The following LDLRAD4 variants were observed in gnomAD, a reference collection of about 807,000 sequenced individuals.
LDLRAD4 encodes the protein low density lipoprotein receptor class A domain containing 4, also known as low-density lipoprotein receptor class A domain-containing protein 4.
LDLRAD4 carries 5 observed loss-of-function variants against 17.0 expected under a neutral mutation model. The observed-to-expected ratio is 0.29, with a 90% CI of 0.15 to 0.62. The LOEUF (loss-of-function observed/expected upper bound fraction) is 0.62. LDLRAD4 is among the 20% of genes least tolerant of loss of function. LDLRAD4 has a pLI of 0.84. For synonymous variants in LDLRAD4, 168 were observed against 171.8 expected (o/e 0.98, Z 0.17); for missense variants, 340 against 424.7 (o/e 0.80, Z 1.75).
chr18:13,543,242 G>A (rs896817705), intron 3 of LDLRAD4: 15 of 152,248 alleles, frequency 9.9e-5, no homozygotes, highest in Admixed American at 3.3e-4. Context: ...GGACAACCAC[G>A]GGATCTAAAA....
chr18:13,466,147 CTCTT>C (rs1233223693), intron 3 of LDLRAD4, among the ~76,000 whole-genome samples: 3 of 152,126 alleles, frequency 2.0e-5, no homozygotes, highest in African/African-American at 7.2e-5. Flanking sequence ...AATTAGTTGT[CTCTT>C]TCAGGGATAA....
chr18:13,376,053 C>T (rs886700042), intron 1 of LDLRAD4, among the ~76,000 whole-genome samples: 4 of 152,100 alleles, frequency 2.6e-5, no homozygotes, highest in Admixed American at 1.3e-4. Context: ...TCGTTCTTGC[C>T]GTTTGAGGGA....
At chr18:13,276,767 T>C (rs1599061390), upstream of LDLRAD4, among the ~76,000 whole-genome samples, 1 of 152,254 alleles carries the variant, frequency 6.6e-6, no homozygotes, top group South Asian at 2.1e-4. Flanking sequence ...AAGCATTCTT[T>C]GTGGTATTCG....
intron 1 of LDLRAD4, among the ~76,000 whole-genome samples, chr18:13,351,824 A>G (rs1461690206): frequency 6.6e-6 from 1 of 152,218 alleles, no homozygotes; most frequent in Non-Finnish European, 1.5e-5. Flanking sequence ...AGAAAACTTC[A>G]GGTCAATATC....
At chr18:13,482,945 C>G (rs957456806) in intron 3 of LDLRAD4, among the ~76,000 whole-genome samples, 2 of 152,122 alleles carry the variant, frequency 1.3e-5, no homozygotes, top group African/African-American at 4.8e-5. Flanking sequence ...GAGTCTAAGA[C>G]AAATGCATTC....
At chr18:13,575,996 T>C (rs2148393495) in intron 3 of LDLRAD4, among the ~76,000 whole-genome samples, 1 of 152,342 alleles carries the variant, frequency 6.6e-6, no homozygotes, top group Middle Eastern at 3.4e-3. Flanking sequence ...GATGTATAGA[T>C]TGTGAAGATT....
chr18:13,326,829 C>T (rs571053343), intron 1 of LDLRAD4, among the ~76,000 whole-genome samples: 1 of 151,990 alleles, frequency 6.6e-6, no homozygotes, highest in African/African-American at 2.4e-5. Context: ...AGTGCAATGG[C>T]ACGATCTTGG....
intron 2 of LDLRAD4, among the ~76,000 whole-genome samples, 176 bp downstream of exon 3, chr18:13,387,938 G>T (rs1053852484): frequency 6.6e-6 from 1 of 152,116 alleles, no homozygotes; most frequent in Non-Finnish European, 1.5e-5. Context: ...GTTTTCCTTC[G>T]CTCTCTCAAT....
chr18:13,533,628 A>G (rs1293998536), intron 3 of LDLRAD4, among the ~76,000 whole-genome samples: 3 of 152,242 alleles, frequency 2.0e-5, no homozygotes, highest in African/African-American at 7.2e-5. Context: ...GGAAGTGATT[A>G]TGTACTGAAT....
intron 3 of LDLRAD4, among the ~76,000 whole-genome samples, chr18:13,616,349 C>T (rs868187685): frequency 6.6e-6 from 1 of 152,160 alleles, no homozygotes; most frequent in African/African-American, 2.4e-5. Flanking sequence ...TGGGAATCCT[C>T]ACACACGTTT....
At chr18:13,623,291 C>G (rs908729253) in intron 4 of LDLRAD4, among the ~76,000 whole-genome samples, 12 of 152,238 alleles carry the variant, frequency 7.9e-5, no homozygotes, top group African/African-American at 2.7e-4. Flanking sequence ...CAGGGCTGCA[C>G]ACTGCGTGGC....
chr18:13,501,726 C>T (rs556372733), intron 3 of LDLRAD4, among the ~76,000 whole-genome samples: 2 of 152,124 alleles, frequency 1.3e-5, no homozygotes, highest in South Asian at 2.1e-4. Context: ...CACAGGACGC[C>T]TGACACTCGC....
chr18:13,344,270 G>A (rs886076509), intron 1 of LDLRAD4, among the ~76,000 whole-genome samples: 1 of 152,188 alleles, frequency 6.6e-6, no homozygotes, highest in African/African-American at 2.4e-5. Context: ...TAAGGTGTAA[G>A]GAAGAGATCC....
rs187064537 is a variant in LDLRAD4 at position 13,387,660 on chromosome 18, G to A, written c.-63G>A. ...CTAAGATGGAAGTGACCTGAGCCTC[G>A]CCCGGCGGCTTCCTCGACGGGACAG... is the stretch of plus-strand genomic sequence containing the variant. On this transcript the variant is annotated 5_prime_UTR_variant, in exon 2 of 6. Coordinates refer to ENST00000359446, the Ensembl canonical transcript of LDLRAD4. 531 of 1,496,216 alleles carry A rather than the reference G, an allele frequency of 3.5e-4. No individual in the cohort carries two copies. The East Asian group carries it at 9.8e-3, about 28-fold the overall frequency. 92.7% of individuals were successfully genotyped at this position (1,496,216 alleles called of 1,614,324 possible).
intron 1 of LDLRAD4, among the ~76,000 whole-genome samples, chr18:13,271,868 T>G (rs1341212394): frequency 6.7e-6 from 1 of 149,408 alleles, no homozygotes; most frequent in South Asian, 2.1e-4. Flanking sequence ...GCAAGTCAGT[T>G]TCCACCCCAC....
chr18:13,569,434 C>T lies in LDLRAD4; in HGVS notation c.182-51683C>T, dbSNP rs145823326. The stretch of plus-strand genomic sequence containing the variant: ...TTGGGCACCAAACTGATTCATAAGT[C>T]GGATGTTGCTTATCTTCACTTTACT... On this transcript the variant is annotated intron_variant, in intron 3 of 5. Transcript: ENST00000359446. Among the ~76,000 whole-genome samples the T allele has an allele frequency of 4.2e-3, 642 of 152,258 alleles. 4 individuals are homozygous for T. Among genetic ancestry groups the T allele is most frequent in the African/African-American group, 0.015 (615 of 41,550 alleles).
intron 3 of LDLRAD4, among the ~76,000 whole-genome samples, chr18:13,455,219 G>A (rs979958404): frequency 2.7e-5 from 4 of 147,530 alleles, no homozygotes; most frequent in East Asian, 2.1e-4. Flanking sequence ...TAGGCAGGAG[G>A]CCTGGGGTTT....
rs561668630 is a variant in LDLRAD4, at chr18:13,459,364, A to C, written c.181+20980A>C. ...AAAGAAAGAAAAATTAAAAAATAAC[A>C]TTTGGTGTTTTTTTTTTCTTTTTGT... On this transcript the variant is annotated intron_variant, in intron 3 of 5. Coordinates refer to ENST00000359446, the Ensembl canonical transcript of LDLRAD4. Among the ~76,000 whole-genome samples, 447 of 76,878 alleles carry C rather than the reference A, an allele frequency of 5.8e-3. 4 individuals carry two copies. The highest frequency in any genetic ancestry group is 9.7e-3 in the Admixed American group (56 of 5,788). 50.4% of individuals were successfully genotyped at this position (76,878 alleles called of 152,430 possible).
intron 2 of LDLRAD4, among the ~76,000 whole-genome samples, chr18:13,421,661 C>T (rs934859286): frequency 6.6e-6 from 1 of 152,196 alleles, no homozygotes; most frequent in Non-Finnish European, 1.5e-5. Context: ...TGCCTCCCAG[C>T]GTTTTGTAGA....
Sources: gnomAD v4.1 joint callset for allele counts (sites outside exome capture counted in the v4.1 genomes callset) on GRCh38, gnomAD v4.1.1 for gene constraint, MANE v1.5 for transcripts, NCBI Gene and HGNC (gene_info 2026-07-23, HGNC 2026-07-21) for gene names.